Variants in MMP15 observed in about 807,000 individuals in gnomAD.
The protein encoded by MMP15 is matrix metallopeptidase 15.
Under a neutral mutation model 65.0 loss-of-function variants are expected in MMP15, and 36 were observed. That is an observed-to-expected ratio of 0.55 (90% CI 0.42 to 0.73). MMP15 has a LOEUF of 0.73. Ranked by LOEUF, MMP15 falls within the 30% of genes least tolerant of loss-of-function variation. MMP15 has a pLI of 0.00. For synonymous variants in MMP15, 428 were observed against 410.2 expected (o/e 1.04, Z -0.52); for missense variants, 870 against 987.8 (o/e 0.88, Z 1.60).
At position 58,045,332 on chromosome 16, in the gene MMP15, A is replaced by ACTG. The variant is rs766958256; in HGVS notation, c.1908_1910dup (p.Leu637dup). ...TGAACGTGGTGATGGTGCTGGTGCC[A>ACTG]CTGCTGCTGCTGCTCTGCGTCCTGG... is the stretch of plus-strand genomic sequence containing the variant. On this transcript the variant is annotated inframe_insertion, in exon 10 of 10. Transcript: ENST00000219271. 6.2e-7 allele frequency: 1 copy of ACTG among 1,607,848 alleles called. No homozygotes were observed.
rs1218492767 is a variant in MMP15 at position 58,025,790 on chromosome 16, C to T, written c.-561C>T. On this transcript the variant is annotated 5_prime_UTR_variant, in exon 1 of 10. Coordinates refer to ENST00000219271, the MANE Select transcript of MMP15 (RefSeq NM_002428.4). ...GGAGCGCCCGGAGCCGCGCTGAACTCGCCGGGGACGTCGGGCGCCCGCTCC... is the reference window on the plus strand; with the variant it reads ...GGAGCGCCCGGAGCCGCGCTGAACTTGCCGGGGACGTCGGGCGCCCGCTCC... 6.6e-6 allele frequency: 1 copy of T among 151,956 alleles called. No homozygotes were observed. Among genetic ancestry groups the T allele is most frequent in the African/African-American group, 2.4e-5 (1 of 41,374 alleles). The allele number at this position is 151,956 out of a possible 1,614,324, so 9.4% of individuals were successfully genotyped here.
intron 1 of MMP15, 138 bp from the exon 2 acceptor site, chr16:58,037,334 C>A: frequency 2.7e-6 from 3 of 1,101,412 alleles, no homozygotes; most frequent in Non-Finnish European, 3.9e-6. Context: ...GAGGCTCACA[C>A]GGTCACCTGG....
Position 58,045,469 on chromosome 16 carries a change from G to A in MMP15, c.*23G>A, listed in dbSNP as rs376333947. 1.3e-5 allele frequency: 19 copies of A among 1,483,092 alleles called. No individual in the cohort carries two copies. The East Asian group carries it at 3.2e-4, about 25-fold the overall frequency. 91.9% of individuals were successfully genotyped at this position (1,483,092 alleles called of 1,614,324 possible). A position where few individuals can be genotyped will look rare whatever the true frequency, so the allele number is the denominator to read the frequency against. On this transcript the variant is annotated 3_prime_UTR_variant, in exon 10 of 10. Coordinates refer to ENST00000219271, the MANE Select transcript of MMP15 (RefSeq NM_002428.4). ...TGACCACCCAGCGCTCCTGCTAACG[G>A]TGCTCAGGGGGCGCCTGTGGTTCTG...
chr16:58,026,781 C>A (rs1336239677), intron 1 of MMP15, among the ~76,000 whole-genome samples: 1 of 152,226 alleles, frequency 6.6e-6, no homozygotes, highest in Non-Finnish European at 1.5e-5. Flanking sequence ...CCACCCCGAC[C>A]CCCTTACATT....
In MMP15 at chr16:58,043,338, A is replaced by G. The variant is rs1418093964; in HGVS notation, c.1432A>G (p.Thr478Ala). 4.4e-6 allele frequency: 7 copies of G among 1,605,348 alleles called. No individual in the cohort carries two copies. In the Admixed American group the frequency reaches 5.1e-5, roughly 12 times the overall value. ...CATCTGGTGGGAGCCCACAGGCCAC[A>G]CCTTCTTCTTCCAAGAGGACAGGTG... Reference protein sequence around the residue: ...TAIWWEPTGHTFFFQEDRYWR... With the variant: ...TAIWWEPTGHAFFFQEDRYWR... Residue 478 changes from threonine to alanine, a missense_variant, in exon 8 of 10, where the codon ACC becomes GCC. Thr to Ala is a moderately conservative substitution (Grantham distance 58). Coordinates refer to ENST00000219271, the MANE Select transcript of MMP15 (RefSeq NM_002428.4).
chr16:58,029,348 C>A (rs1271540528), intron 1 of MMP15, among the ~76,000 whole-genome samples: 3 of 152,250 alleles, frequency 2.0e-5, no homozygotes, highest in African/African-American at 7.2e-5. Context: ...CAGAGCAAAA[C>A]TACAGATGCC....
At chr16:58,037,185 G>A (rs560229793) in intron 1 of MMP15, among the ~76,000 whole-genome samples, 3 of 152,338 alleles carry the variant, frequency 2.0e-5, no homozygotes, top group East Asian at 1.9e-4. Context: ...TGACAGTGAG[G>A]GCCTTGTGGC....
Position 58,043,551 on chromosome 16 carries a change from T to C in MMP15, c.1494T>C (p.Pro498=). ...RFNEETQRGD[P]GYPKPISVWQ... The stretch of plus-strand genomic sequence containing the variant: ...ACGAGGAGACACAGCGTGGAGACCC[T>C]GGGTACCCCAAGCCCATCAGTGTCT... The change falls in exon 9 of 10, where the codon CCT becomes CCC. Residue 498 remains proline, a synonymous_variant. Transcript: ENST00000219271. 6.2e-7 allele frequency: 1 copy of C among 1,614,022 alleles called. No homozygotes were observed. Among genetic ancestry groups the C allele is most frequent in the Admixed American group, 1.7e-5 (1 of 60,008 alleles).
intron 1 of MMP15, 47 bp from the exon 2 acceptor site, chr16:58,037,425 A>G: frequency 6.3e-7 from 1 of 1,599,342 alleles, no homozygotes; most frequent in East Asian, 2.2e-5. Flanking sequence ...GCATGTTTGG[A>G]GGTAGCAGTG....
chr16:58,039,113 A>G (rs570871753), intron 3 of MMP15, among the ~76,000 whole-genome samples: 2 of 152,296 alleles, frequency 1.3e-5, no homozygotes, highest in Middle Eastern at 3.4e-3. Flanking sequence ...AGTACCACAC[A>G]CACACTCTTT....
intron 2 of MMP15, 22 bp downstream of exon 2, chr16:58,037,642 C>G (rs995224176): frequency 1.9e-6 from 3 of 1,614,000 alleles, no homozygotes; most frequent in Admixed American, 3.3e-5. Flanking sequence ...CCACCATCCA[C>G]ACCCCACAGG....
Position 58,043,617 on chromosome 16 carries a change from C to T in MMP15, c.1560C>T (p.Ser520=), listed in dbSNP as rs16959651. Residue 520 remains serine (S), a synonymous_variant, in exon 9 of 10, where the codon AGC becomes AGT. Coordinates refer to ENST00000219271, the MANE Select transcript of MMP15 (RefSeq NM_002428.4). The stretch of plus-strand genomic sequence containing the variant: ...CCTCCCCTAAAGGGGCCTTCCTGAG[C>T]AATGACGCAGGTACCTGGCCAGCCC... ...IPASPKGAFL[S]NDAAYTYFYK... is the part of the protein sequence containing the mutation. 32,601 of 1,610,054 alleles carry T rather than the reference C, an allele frequency of 0.02. 5,491 individuals are homozygous for T. In the African/African-American group the frequency reaches 0.38, roughly 19 times the overall value.
At chr16:58,041,119 A>AC (rs1390507099) in intron 5 of MMP15, among the ~76,000 whole-genome samples, 1 of 150,612 alleles carries the variant, frequency 6.6e-6, no homozygotes, top group Non-Finnish European at 1.5e-5. Flanking sequence ...AGGAAGTGCC[A>AC]CCCCCCCACC....
intron 5 of MMP15, among the ~76,000 whole-genome samples, chr16:58,041,181 G>A (rs12447579): frequency 0.19 from 28,235 of 152,140 alleles, 3,359 homozygotes; most frequent in East Asian, 0.35. Flanking sequence ...GGCCAGTTCG[G>A]TGGGCCAAGT....
At chr16:58,027,444 G>A (rs916747817) in intron 1 of MMP15, among the ~76,000 whole-genome samples, 2 of 152,210 alleles carry the variant, frequency 1.3e-5, no homozygotes, top group African/African-American at 4.8e-5. Flanking sequence ...TAAGACCTGC[G>A]CCCTGCCCCA....
rs927682751 is a variant in MMP15, at chr16:58,041,622, C to A, written c.916C>A (p.Pro306Thr). 2.5e-6 allele frequency: 4 copies of A among 1,574,438 alleles called. No individual in the cohort carries two copies. Among genetic ancestry groups the A allele is most frequent in the Non-Finnish European group, 3.4e-6 (4 of 1,161,244 alleles). ...GAACCCCTGCCTCTCTGCAGGTACC[C>A]CAGACGGTCAGCCACAGCCTACCCA... Reference protein sequence around the residue: ...LRGIQQLYGTPDGQPQPTQPL... With the variant: ...LRGIQQLYGTTDGQPQPTQPL... The change falls in exon 6 of 10, where the codon CCA becomes ACA. Residue 306 changes from proline (P) to threonine (T), a missense_variant. Transcript: ENST00000219271.
rs747937815 is a variant in MMP15, at chr16:58,043,550, C to G, written c.1493C>G (p.Pro498Arg). ...RFNEETQRGDPGYPKPISVWQ... is the reference protein window; with the variant it reads ...RFNEETQRGDRGYPKPISVWQ... ...AACGAGGAGACACAGCGTGGAGACCCTGGGTACCCCAAGCCCATCAGTGTC... is the reference window on the plus strand; with the variant it reads ...AACGAGGAGACACAGCGTGGAGACCGTGGGTACCCCAAGCCCATCAGTGTC... The change falls in exon 9 of 10, where the codon CCT becomes CGT. Residue 498 changes from proline to arginine, a missense_variant. By Grantham distance (103) the Pro-to-Arg change is moderately radical. Coordinates refer to ENST00000219271, the MANE Select transcript of MMP15 (RefSeq NM_002428.4). 57 of 1,613,864 alleles carry G rather than the reference C, an allele frequency of 3.5e-5. 2 individuals carry two copies. The South Asian group carries it at 5.9e-4, about 17-fold the overall frequency.
rs768023991 is a variant in MMP15 at position 58,038,309 on chromosome 16, G to A, written c.355G>A (p.Val119Ile). Residue 119 changes from valine to isoleucine, a missense_variant, in exon 3 of 10, where the codon GTA (valine) becomes ATA (isoleucine). Val to Ile is a conservative substitution (Grantham distance 29). Transcript: ENST00000219271. ...CTGTGGGGTGCCAGACCAGTTCGGG[G>A]TACGAGTGAAAGCCAACCTGCGGCG... ...PRCGVPDQFG[V>I]RVKANLRRRR... 1.2e-6 allele frequency: 2 copies of A among 1,614,074 alleles called. No homozygotes were observed. The highest frequency in any genetic ancestry group is 1.6e-4 in the Middle Eastern group (1 of 6,062).
Position 58,034,557 on chromosome 16 carries a change from G to A in MMP15, c.163-2915G>A, listed in dbSNP as rs988218802. Among the ~76,000 whole-genome samples, 5 of 152,250 alleles carry A rather than the reference G, an allele frequency of 3.3e-5. No individual in the cohort carries two copies. The South Asian group carries it at 1.0e-3, about 32-fold the overall frequency. ...CAGTCACCCTGAGCACACTTTCACC[G>A]GTCAGGCACGCTCTGCCAGCTTCGC... On this transcript the variant is annotated intron_variant, in intron 1 of 9. Transcript: ENST00000219271.
Sources: gnomAD v4.1 joint callset for allele counts (sites outside exome capture counted in the v4.1 genomes callset) on GRCh38, gnomAD v4.1.1 for gene constraint, MANE v1.5 for transcripts, NCBI Gene and HGNC (gene_info 2026-07-23, HGNC 2026-07-21) for gene names.